SRGAP3: variants seen among roughly 807,000 people sequenced by gnomAD.
SRGAP3 encodes the protein SLIT-ROBO Rho GTPase-activating protein 3.
Under a neutral mutation model 121.1 loss-of-function variants are expected in SRGAP3, and 39 were observed. The observed-to-expected ratio is 0.32, with a 90% CI of 0.25 to 0.42. SRGAP3 has a LOEUF of 0.42. Among genes scored for constraint, SRGAP3 ranks in the 10% least tolerant of loss-of-function variants. The pLI is 1.00. For missense variants in SRGAP3, 1,213 were observed against 1,470.6 expected (o/e 0.82, Z 2.86); for synonymous variants, 601 against 570.0 (o/e 1.05, Z -0.77).
intron 1 of SRGAP3, among the ~76,000 whole-genome samples, chr3:9,198,106 T>C (rs1463879260): frequency 6.6e-6 from 1 of 152,218 alleles, no homozygotes; most frequent in African/African-American, 2.4e-5. Context: ...ATAGAGACTG[T>C]CTTTCAAGTC....
chr3:9,190,217 G>T (rs1379046289), intron 1 of SRGAP3, among the ~76,000 whole-genome samples: 1 of 152,156 alleles, frequency 6.6e-6, no homozygotes, highest in African/African-American at 2.4e-5. Flanking sequence ...AATTCGCATT[G>T]GAAAAATACC....
At chr3:9,094,902 C>T (rs1947907293) in intron 3 of SRGAP3, among the ~76,000 whole-genome samples, 1 of 151,804 alleles carries the variant, frequency 6.6e-6, no homozygotes, top group African/African-American at 2.4e-5. Context: ...ACCACAAGCA[C>T]ACACCACCAC....
intron 2 of SRGAP3, among the ~76,000 whole-genome samples, chr3:9,123,371 A>AT (rs61028558): frequency 5.3e-4 from 11 of 20,642 alleles, no homozygotes; most frequent in South Asian, 3.5e-3. Context: ...CACAATTAAA[A>AT]AATATATATA....
chr3:9,090,234 C>T (rs1047237851), intron 3 of SRGAP3, among the ~76,000 whole-genome samples: 7 of 152,136 alleles, frequency 4.6e-5, no homozygotes, highest in African/African-American at 1.7e-4. Flanking sequence ...AGAGCACACG[C>T]ACCCTAAAGA....
chr3:9,026,976 G>A lies in SRGAP3; in HGVS notation c.1559C>T (p.Pro520Leu). 1.2e-6 allele frequency: 2 copies of A among 1,614,092 alleles called. No homozygotes were observed. The highest frequency in any genetic ancestry group is 1.7e-6 in the Non-Finnish European group (2 of 1,180,002). ...AFIKDSGQAIPLVVESCIRYI... is the reference protein window; with the variant it reads ...AFIKDSGQAILLVVESCIRYI... ...ACGGATGCAGCTCTCGACTACAAGC[G>A]GTATAGCTTGTCCTGAATCCTTGAG... The change falls in exon 13 of 22, where the codon CCG becomes CTG. Residue 520 changes from proline to leucine, a missense_variant. Around this residue, in one of 2 missense-constraint regions of SRGAP3, gnomAD observed 793 missense variants for 1,032.9 expected, o/e 0.77. Transcript: ENST00000383836.
intron 21 of SRGAP3, among the ~76,000 whole-genome samples, chr3:8,986,138 C>T (rs1017565131): frequency 6.6e-6 from 1 of 152,126 alleles, no homozygotes; most frequent in Non-Finnish European, 1.5e-5. Context: ...AAATAGATTT[C>T]ATAAGGGCAG....
At chr3:8,997,499 G>T (rs389610) in intron 18 of SRGAP3, among the ~76,000 whole-genome samples, 91,634 of 151,940 alleles carry the variant, frequency 0.6, 28,570 homozygotes, top group African/African-American at 0.76. Flanking sequence ...TTCCCATGGA[G>T]GCTGGAACAA....
intron 3 of SRGAP3, among the ~76,000 whole-genome samples, chr3:9,081,929 A>C (rs990385216): frequency 6.6e-6 from 1 of 152,130 alleles, no homozygotes; most frequent in African/African-American, 2.4e-5. Flanking sequence ...CGTCTTTGGG[A>C]GGTGATTAGG....
intron 1 of SRGAP3, among the ~76,000 whole-genome samples, chr3:9,154,652 G>A (rs969357228): frequency 2.0e-5 from 3 of 152,154 alleles, no homozygotes; most frequent in African/African-American, 4.8e-5. Context: ...CACCAACTGC[G>A]GGCTGAGCGG....
chr3:9,063,492 C>T (rs1207125889), intron 5 of SRGAP3, among the ~76,000 whole-genome samples: 9 of 151,758 alleles, frequency 5.9e-5, no homozygotes, highest in Non-Finnish European at 1.2e-4. Flanking sequence ...AACATCTATT[C>T]AAATTCTTTG....
intron 3 of SRGAP3, among the ~76,000 whole-genome samples, chr3:9,281,122 G>C (rs1277351528): frequency 6.6e-6 from 1 of 152,102 alleles, no homozygotes; most frequent in Non-Finnish European, 1.5e-5. Context: ...TCTCTACTTA[G>C]GTTTCTTCAC....
At chr3:9,119,224 T>C (rs1948915701) in intron 2 of SRGAP3, among the ~76,000 whole-genome samples, 1 of 152,176 alleles carries the variant, frequency 6.6e-6, no homozygotes, top group Non-Finnish European at 1.5e-5. Context: ...GCCTCTCTTT[T>C]CCTCCATTCC....
chr3:9,275,836 C>T (rs1464251764), intron 3 of SRGAP3, among the ~76,000 whole-genome samples: 2 of 152,104 alleles, frequency 1.3e-5, no homozygotes, highest in African/African-American at 4.8e-5. Flanking sequence ...CAAACTAATA[C>T]AACCCACCTC....
At chr3:9,304,234 C>T (rs1307950842) in intron 3 of SRGAP3, among the ~76,000 whole-genome samples, 4 of 152,182 alleles carry the variant, frequency 2.6e-5, no homozygotes, top group Non-Finnish European at 4.4e-5. Context: ...GAGCCTGGCA[C>T]GTGGGGGTTG....
At chr3:9,305,134 A>G (rs983162174) in intron 3 of SRGAP3, among the ~76,000 whole-genome samples, 1 of 152,178 alleles carries the variant, frequency 6.6e-6, no homozygotes, top group African/African-American at 2.4e-5. Flanking sequence ...GGAGTGAGGG[A>G]ATAGGAGCAG....
intron 1 of SRGAP3, among the ~76,000 whole-genome samples, chr3:9,132,648 T>G (rs949337059): frequency 6.6e-6 from 1 of 152,324 alleles, no homozygotes; most frequent in African/African-American, 2.4e-5. Context: ...GACAGACTGT[T>G]TATTCATTCC....
intron 1 of SRGAP3, among the ~76,000 whole-genome samples, chr3:9,176,469 G>A (rs903600232): frequency 5.3e-5 from 8 of 152,162 alleles, no homozygotes; most frequent in African/African-American, 1.9e-4. Context: ...GTGTTCCTCA[G>A]ATTTATTTGA....
intron 1 of SRGAP3, among the ~76,000 whole-genome samples, chr3:9,228,273 T>C (rs1034429324): frequency 6.6e-6 from 1 of 152,206 alleles, no homozygotes; most frequent in African/African-American, 2.4e-5. Context: ...GATTGGTTAC[T>C]GCATGAGAAC....
chr3:8,999,486 G>A (rs1410144019), intron 18 of SRGAP3, among the ~76,000 whole-genome samples: 1 of 152,190 alleles, frequency 6.6e-6, no homozygotes, highest in East Asian at 1.9e-4. Flanking sequence ...AGTCCTGCCT[G>A]CATGAAAGAG....
Sources: gnomAD v4.1 joint callset for allele counts (sites outside exome capture counted in the v4.1 genomes callset) on GRCh38, gnomAD v4.1.1 for gene constraint, gnomAD v4.1.1 regional missense constraint, MANE v1.5 for transcripts, NCBI Gene and HGNC (gene_info 2026-07-23, HGNC 2026-07-21) for gene names.